The following SERPINB11 variants were observed in gnomAD, a reference collection of about 807,000 sequenced individuals.
SERPINB11 encodes serpin family B member 11, also known as serpin B11.
Under a neutral mutation model 36.7 loss-of-function variants are expected in SERPINB11, and 32 were observed. The ratio of observed to expected loss-of-function variants is 0.87; its 90% CI spans 0.66 to 1.17. SERPINB11 has a LOEUF of 1.17. Ranked by LOEUF, SERPINB11 falls within the 50% of genes most tolerant of loss-of-function variation. The pLI, the probability that SERPINB11 is intolerant of heterozygous loss-of-function variation, is 0.00. For missense variants in SERPINB11, 528 were observed against 458.4 expected (o/e 1.15, Z -1.39); for synonymous variants, 174 against 168.1 (o/e 1.04, Z -0.27).
chr18:63,707,426 C>T (rs751001757), intron 1 of SERPINB11, among the ~76,000 whole-genome samples: 1 of 152,176 alleles, frequency 6.6e-6, no homozygotes, highest in Non-Finnish European at 1.5e-5. Context: ...GCTTCTAAGG[C>T]CACAGTCCTG....
chr18:63,707,668 C>A (rs974038697), intron 1 of SERPINB11, among the ~76,000 whole-genome samples: 4 of 152,286 alleles, frequency 2.6e-5, no homozygotes, highest in African/African-American at 9.6e-5. Context: ...CTGTGTCTCT[C>A]CTCTCTACTT....
intron 1 of SERPINB11, among the ~76,000 whole-genome samples, chr18:63,703,779 C>G (rs1914300322): frequency 6.6e-6 from 1 of 152,220 alleles, no homozygotes; most frequent in South Asian, 2.1e-4. Context: ...GACCCTCCGT[C>G]TGTTGCAGTC....
chr18:63,711,288 T>C (rs548622160), intron 2 of SERPINB11, 47 bp from the exon 3 acceptor site: 5 of 1,277,636 alleles, frequency 3.9e-6, no homozygotes, highest in African/African-American at 2.9e-5. Flanking sequence ...CTTTATAGAC[T>C]GTACATTGCT....
At chr18:63,714,027 C>T (rs1914597788) in intron 4 of SERPINB11, among the ~76,000 whole-genome samples, 1 of 152,140 alleles carries the variant, frequency 6.6e-6, no homozygotes, top group African/African-American at 2.4e-5. Context: ...AGATTTTGCT[C>T]ATAGTATATT....
intron 1 of SERPINB11, among the ~76,000 whole-genome samples, chr18:63,703,688 A>G (rs1914297132): frequency 6.6e-6 from 1 of 152,220 alleles, no homozygotes; most frequent in African/African-American, 2.4e-5. Context: ...GGAAGAATGT[A>G]CACAGGGTAT....
rs775200828 is a variant in SERPINB11, at chr18:63,710,147, T to A, written c.-15-32T>A. The A allele has an allele frequency of 7.2e-6, 11 of 1,531,428 alleles. No homozygotes were observed. In the East Asian group the frequency reaches 2.6e-4, roughly 36 times the overall value. 94.9% of individuals were successfully genotyped at this position (1,531,428 alleles called of 1,614,324 possible). A position where few individuals can be genotyped will look rare whatever the true frequency, so the allele number is the denominator to read the frequency against. On this transcript the variant is annotated intron_variant, in intron 1 of 7. Transcript: ENST00000544088. ...AGATACTATCTGTAACTTCAAGTGA[T>A]GTTCTGAGAATTTTTTCCCTTCTGT...
intron 5 of SERPINB11, among the ~76,000 whole-genome samples, chr18:63,718,939 A>T (rs1267178012): frequency 6.6e-6 from 1 of 152,026 alleles, no homozygotes; most frequent in Non-Finnish European, 1.5e-5. Context: ...ATCCACTGGT[A>T]GTGACTGCTT....
intron 7 of SERPINB11, among the ~76,000 whole-genome samples, chr18:63,721,811 A>C (rs1267184498): frequency 6.6e-6 from 1 of 152,196 alleles, no homozygotes; most frequent in Non-Finnish European, 1.5e-5. Flanking sequence ...CCAACTGAAA[A>C]GGAGCTGTAG....
At chr18:63,719,966 T>C in intron 5 of SERPINB11, 47 bp from the exon 6 acceptor site, 1 of 1,489,716 alleles carries the variant, frequency 6.7e-7, no homozygotes, top group Non-Finnish European at 9.1e-7. Flanking sequence ...ACCTCTCTAT[T>C]ATCAGGAGTT....
At chr18:63,720,753 G>T in intron 6 of SERPINB11, 78 bp from the exon 7 acceptor site, 1 of 1,042,194 alleles carries the variant, frequency 9.6e-7, no homozygotes. Context: ...GCAGATATCC[G>T]TGTTATGCAA....
At chr18:63,722,048 C>T (rs754558889) in intron 7 of SERPINB11, among the ~76,000 whole-genome samples, 19 of 152,088 alleles carry the variant, frequency 1.2e-4, no homozygotes, top group Non-Finnish European at 2.8e-4. Flanking sequence ...CAGTCCGAGC[C>T]TTGCTGGATG....
chr18:63,708,260 G>A (rs2144531728), intron 1 of SERPINB11, among the ~76,000 whole-genome samples: 1 of 152,286 alleles, frequency 6.6e-6, no homozygotes, highest in Non-Finnish European at 1.5e-5. Flanking sequence ...AGACAGTGGA[G>A]TTTTTGAGCA....
At chr18:63,716,805 T>C (rs1018498486) in intron 5 of SERPINB11, among the ~76,000 whole-genome samples, 3 of 150,436 alleles carry the variant, frequency 2.0e-5, no homozygotes, top group African/African-American at 4.9e-5. Context: ...CTTTTTTTTT[T>C]GTTTGAATCA....
Position 63,720,077 on chromosome 18 carries a change from T to A in SERPINB11, c.540T>A (p.Asn180Lys), listed in dbSNP as rs982345263. 37 of 1,610,570 alleles carry A rather than the reference T, an allele frequency of 2.3e-5. No individual in the cohort carries two copies. The highest frequency in any genetic ancestry group is 1.6e-4 in the Middle Eastern group (1 of 6,070). ...CTTCATCTGTAATGGTCCTGGTGAA[T>A]GCCATATATTTCAAAGGACAATGGC... Reference protein sequence around the residue: ...IDPSSVMVLVNAIYFKGQWQN... With the variant: ...IDPSSVMVLVKAIYFKGQWQN... The change falls in exon 6 of 8, where the codon AAT (asparagine) becomes AAA (lysine). Residue 180 changes from asparagine (N) to lysine (K), a missense_variant. Coordinates refer to ENST00000544088, the MANE Select transcript of SERPINB11 (RefSeq NM_001370475.1).
intron 7 of SERPINB11, among the ~76,000 whole-genome samples, chr18:63,721,959 ATT>A (rs201136095): frequency 4.9e-4 from 74 of 152,260 alleles, no homozygotes; most frequent in South Asian, 1.5e-3. Flanking sequence ...AGCAGTTTAG[ATT>A]CTGCAGAAAG....
At chr18:63,708,912 G>A (rs1914442386) in intron 1 of SERPINB11, among the ~76,000 whole-genome samples, 1 of 152,206 alleles carries the variant, frequency 6.6e-6, no homozygotes, top group African/African-American at 2.4e-5. Context: ...AGCAGTCAAG[G>A]AGGCAGGCCG....
At chr18:63,711,760 G>T (rs1443344046) in intron 3 of SERPINB11, among the ~76,000 whole-genome samples, 3 of 152,064 alleles carry the variant, frequency 2.0e-5, no homozygotes, top group Non-Finnish European at 4.4e-5. Context: ...ATTATGTACT[G>T]GGAAAACATG....
Position 63,710,364 on chromosome 18 carries a change from A to G in SERPINB11, c.168+3A>G. 1 of 1,608,912 alleles carries G rather than the reference A, an allele frequency of 6.2e-7. No homozygotes were observed. Among genetic ancestry groups the G allele is most frequent in the Non-Finnish European group, 8.5e-7 (1 of 1,177,852 alleles). On this transcript the variant is annotated splice_donor_region_variant and intron_variant, in intron 2 of 7. Transcript: ENST00000544088. ...AGACTGAAGAGCAATTGGAGAAGGT[A>G]TGGAATTCCTCAGAGGTTTGTTCAG...
rs1005003996 is a variant in SERPINB11 at position 63,707,902 on chromosome 18, G to T, written c.-15-2277G>T. 2.0e-5 allele frequency among the ~76,000 whole-genome samples: 3 copies of T among 152,210 alleles called. No homozygotes were observed. The South Asian group carries it at 6.2e-4, about 32-fold the overall frequency. On this transcript the variant is annotated intron_variant, in intron 1 of 7. Transcript: ENST00000544088. ...TGTAGTAAGCCAGGTGGTGGTATGT[G>T]CTATGGTAATGGAATGGAGGGATGT... is the stretch of plus-strand genomic sequence containing the variant.
Sources: gnomAD v4.1 joint callset for allele counts (sites outside exome capture counted in the v4.1 genomes callset) on GRCh38, gnomAD v4.1.1 for gene constraint, MANE v1.5 for transcripts, NCBI Gene and HGNC (gene_info 2026-07-23, HGNC 2026-07-21) for gene names.